ZNF398: variants seen among roughly 807,000 people sequenced by gnomAD.
ZNF398 encodes the protein zinc finger protein 398.
In ZNF398, 18 loss-of-function variants were observed where a neutral mutation model predicts 41.9. The observed-to-expected ratio is 0.43, with a 90% CI of 0.30 to 0.64. The LOEUF is 0.64. Among genes scored for constraint, ZNF398 ranks in the 30% least tolerant of loss-of-function variants. ZNF398 has a pLI of 0.14. For synonymous variants in ZNF398, 260 were observed against 308.8 expected (o/e 0.84, Z 1.66); for missense variants, 669 against 822.8 (o/e 0.81, Z 2.29).
intron 2 of ZNF398, among the ~76,000 whole-genome samples, chr7:149,164,397 ACTC>A (rs1469335848): frequency 2.6e-5 from 4 of 152,100 alleles, no homozygotes; most frequent in Admixed American, 6.6e-5. Context: ...ACAGAGCAAG[ACTC>A]CGTCTCAAAA....
At chr7:149,172,931 T>C (rs1795377718) in intron 4 of ZNF398, among the ~76,000 whole-genome samples, 1 of 152,130 alleles carries the variant, frequency 6.6e-6, no homozygotes, top group South Asian at 2.1e-4. Flanking sequence ...AAAAAAACAA[T>C]GTACATACCT....
intron 3 of ZNF398, 33 bp downstream of exon 3, chr7:149,166,317 GACA>G: frequency 1.3e-6 from 2 of 1,559,626 alleles, no homozygotes; most frequent in Non-Finnish European, 1.7e-6. Flanking sequence ...TGAATGAAGT[GACA>G]GCAGCTCCAA....
At chr7:149,172,461 T>C (rs567049541) in intron 4 of ZNF398, among the ~76,000 whole-genome samples, 2 of 152,062 alleles carry the variant, frequency 1.3e-5, no homozygotes, top group Admixed American at 1.3e-4. Context: ...CCCCCCTTTT[T>C]AAAAATAAAT....
At chr7:149,152,316 A>G (rs1389277845) in intron 1 of ZNF398, among the ~76,000 whole-genome samples, 1 of 142,810 alleles carries the variant, frequency 7.0e-6, no homozygotes, top group African/African-American at 2.6e-5. Context: ...GCTGGAGTGC[A>G]GTGGCGCGAA....
Position 149,179,071 on chromosome 7 carries a change from G to A in ZNF398, c.1199G>A (p.Cys400Tyr), listed in dbSNP as rs1268745988. The A allele has an allele frequency of 7.4e-6, 12 of 1,613,700 alleles. No homozygotes were observed. Among genetic ancestry groups the A allele is most frequent in the Non-Finnish European group, 1.0e-5 (12 of 1,179,980 alleles). ...QDHASETPPT[C>Y]PHCARTFTHP... The stretch of plus-strand genomic sequence containing the variant: ...CATGCCAGCGAGACACCCCCCACCT[G>A]CCCACACTGTGCCAGGACTTTTACT... Residue 400 changes from cysteine (C) to tyrosine (Y), a missense_variant, in exon 6 of 6, where the codon TGC (cysteine) becomes TAC (tyrosine). Cys to Tyr is a radical substitution (Grantham distance 194). Transcript: ENST00000475153. This position sits in a 1 kb window ranked among gnomAD's most constrained non-coding sequence, Gnocchi z 6.1.
intron 4 of ZNF398, among the ~76,000 whole-genome samples, chr7:149,170,238 T>G (rs1227934191): frequency 6.6e-6 from 1 of 152,252 alleles, no homozygotes; most frequent in Non-Finnish European, 1.5e-5. Context: ...TTTGTCATTG[T>G]GCAGACATCA....
intron 2 of ZNF398, among the ~76,000 whole-genome samples, chr7:149,133,654 A>AATATATATATATATATATATAT (rs146151029): frequency 2.5e-4 from 18 of 71,826 alleles, no homozygotes; most frequent in African/African-American, 4.9e-4. Context: ...GTGTTTTTTA[A>AATATATATATATATATATATAT]ATATATATAT....
At chr7:149,130,826 A>G (rs1826580798) in intron 2 of ZNF398, among the ~76,000 whole-genome samples, 1 of 152,210 alleles carries the variant, frequency 6.6e-6, no homozygotes, top group Non-Finnish European at 1.5e-5. Context: ...ATGGGAGATC[A>G]GTCTCAAATC....
rs1398216298 is a variant in ZNF398 at position 149,177,875 on chromosome 7, G to A, written c.776-773G>A. ...TTAAATTTTCTGATGAGGGCTGGGT[G>A]TGGTGGCTCATGCCTGTAATCCCAG... On this transcript the variant is annotated intron_variant, in intron 5 of 5. Coordinates refer to ENST00000475153, the MANE Select transcript of ZNF398 (RefSeq NM_170686.3). 2.0e-5 allele frequency among the ~76,000 whole-genome samples: 3 copies of A among 152,194 alleles called. No individual in the cohort carries two copies. In the East Asian group the frequency reaches 5.8e-4, roughly 29 times the overall value.
chr7:149,139,787 C>T (rs1271079858), intron 2 of ZNF398, among the ~76,000 whole-genome samples: 5 of 150,338 alleles, frequency 3.3e-5, no homozygotes, highest in South Asian at 2.1e-4. Flanking sequence ...GGAGGGATCA[C>T]GAGGTCAGGA....
At chr7:149,169,578 A>C (rs139526324) in intron 4 of ZNF398, among the ~76,000 whole-genome samples, 1 of 151,968 alleles carries the variant, frequency 6.6e-6, no homozygotes, top group African/African-American at 2.4e-5. Flanking sequence ...CAGCCTCCCA[A>C]GTAGCTGGGA....
At chr7:149,167,634 C>CTTTTTTTTTT (rs1163487497) in intron 4 of ZNF398, among the ~76,000 whole-genome samples, 6 of 133,960 alleles carry the variant, frequency 4.5e-5, no homozygotes, top group South Asian at 2.4e-4. Context: ...TTTTTCTTTT[C>CTTTTTTTTTT]TTTTTTTTTT....
Position 149,159,366 on chromosome 7 carries a change from G to A in ZNF398, c.420+5026G>A, listed in dbSNP as rs537371063. ...TGCTTTGTTGAAAATGCTCTTTTTC[G>A]GCTGGGCGCGGTGGCTCACGCCTGT... is the stretch of plus-strand genomic sequence containing the variant. On this transcript the variant is annotated intron_variant, in intron 2 of 5. Coordinates refer to ENST00000475153, the MANE Select transcript of ZNF398 (RefSeq NM_170686.3). Among the ~76,000 whole-genome samples, 80 of 151,570 alleles carry A rather than the reference G, an allele frequency of 5.3e-4. 1 individual carries two copies. Among genetic ancestry groups the A allele is most frequent in the Non-Finnish European group, 8.1e-4 (55 of 67,900 alleles).
At chr7:149,134,604 T>C (rs1428778147) in intron 2 of ZNF398, among the ~76,000 whole-genome samples, 2 of 152,206 alleles carry the variant, frequency 1.3e-5, no homozygotes, top group Non-Finnish European at 2.9e-5. Context: ...TTTTCAACTC[T>C]GAGTACTTTT....
intron 2 of ZNF398, among the ~76,000 whole-genome samples, chr7:149,141,317 CAG>C (rs1826818860): frequency 6.8e-6 from 1 of 146,070 alleles, no homozygotes; most frequent in Non-Finnish European, 1.5e-5. Context: ...TTTTTTGAGA[CAG>C]AGTTTCGCTC....
chr7:149,148,772 G>T (rs1827028420), intron 1 of ZNF398, among the ~76,000 whole-genome samples: 1 of 151,852 alleles, frequency 6.6e-6, no homozygotes, highest in Non-Finnish European at 1.5e-5. Flanking sequence ...CAGGCCGCAT[G>T]CGGACTAGGA....
chr7:149,162,710 A>G (rs1017614590), intron 2 of ZNF398, among the ~76,000 whole-genome samples: 10 of 152,292 alleles, frequency 6.6e-5, no homozygotes, highest in Non-Finnish European at 1.3e-4. Context: ...AGAGGCAACA[A>G]ATGAGTAGAG....
intron 2 of ZNF398, among the ~76,000 whole-genome samples, chr7:149,164,279 C>A (rs898919985): frequency 6.6e-6 from 1 of 151,262 alleles, no homozygotes; most frequent in South Asian, 2.1e-4. Flanking sequence ...TGGTGGTGGG[C>A]GCCTGTAGTC....
chr7:149,158,697 G>A (rs775519545), intron 2 of ZNF398, among the ~76,000 whole-genome samples: 4 of 151,862 alleles, frequency 2.6e-5, no homozygotes, highest in Non-Finnish European at 4.4e-5. Flanking sequence ...AGCTGGGCAT[G>A]GTGGCGCATT....
Sources: allele counts gnomAD v4.1 joint callset (sites outside exome capture counted in the v4.1 genomes callset), GRCh38; gene constraint gnomAD v4.1.1; non-coding constraint Gnocchi (gnomAD v3.1); transcripts MANE v1.5; gene names NCBI Gene and HGNC (gene_info 2026-07-23, HGNC 2026-07-21).